The following DGKB variants were observed in gnomAD, a reference collection of about 807,000 sequenced individuals.
The protein encoded by DGKB is diacylglycerol kinase beta, also known as 90 kDa diacylglycerol kinase.
In DGKB, 67 loss-of-function variants were observed where a neutral mutation model predicts 114.3. That is an observed-to-expected ratio of 0.59 (90% CI 0.48 to 0.72). The LOEUF (loss-of-function observed/expected upper bound fraction) is 0.72. Ranked by LOEUF, DGKB falls within the 30% of genes least tolerant of loss-of-function variation. The pLI is 0.00. For synonymous variants in DGKB, 398 were observed against 323.1 expected, an observed-to-expected ratio of 1.23 and a Z score of -2.49; for missense variants, 907 against 975.2, an observed-to-expected ratio of 0.93 and a Z score of 0.93.
intron 23 of DGKB, among the ~76,000 whole-genome samples, chr7:14,280,061 TGAGCTATGG>T (rs908710966): frequency 2.0e-5 from 3 of 151,922 alleles, no homozygotes; most frequent in African/African-American, 7.3e-5. Context: ...CAAATTACTC[TGAGCTATGG>T]GAGGACATTC....
chr7:14,299,645 A>G (rs555282893), intron 23 of DGKB, among the ~76,000 whole-genome samples: 1 of 152,214 alleles, frequency 6.6e-6, no homozygotes, highest in South Asian at 2.1e-4. Flanking sequence ...TTCTTAATAA[A>G]AAACTGAATC....
At chr7:14,296,141 C>G (rs1486596329) in intron 23 of DGKB, among the ~76,000 whole-genome samples, 1 of 151,630 alleles carries the variant, frequency 6.6e-6, no homozygotes, top group African/African-American at 2.4e-5. Context: ...AAGCAATTAT[C>G]CTGCCTCAGA....
Position 14,757,668 on chromosome 7 carries a change from T to C in DGKB, c.134A>G (p.Tyr45Cys), listed in dbSNP as rs1250122399. 1.3e-6 allele frequency: 2 copies of C among 1,596,332 alleles called. No homozygotes were observed. Among genetic ancestry groups the C allele is most frequent in the Non-Finnish European group, 1.7e-6 (2 of 1,165,648 alleles). The change falls in exon 3 of 26, where the codon TAT becomes TGT. Residue 45 changes from tyrosine to cysteine, a missense_variant. Coordinates refer to ENST00000402815, the MANE Select transcript of DGKB (RefSeq NM_001350709.2). ...AAGAAGTTTTACCCCTTCAGGATTA[T>C]ACTTTGCAAGCACACCATTACCATG... The part of the protein sequence containing the change: ...EFHGNGVLAK[Y>C]NPEGKQDILN...
chr7:14,416,934 G>C (rs532932438), intron 21 of DGKB, among the ~76,000 whole-genome samples: 1 of 151,928 alleles, frequency 6.6e-6, no homozygotes, highest in Non-Finnish European at 1.5e-5. Context: ...CAAGATTGTC[G>C]TCTGCTCCCC....
intron 5 of DGKB, among the ~76,000 whole-genome samples, chr7:14,723,273 T>C (rs1829502565): frequency 6.6e-6 from 1 of 152,148 alleles, no homozygotes; most frequent in Non-Finnish European, 1.5e-5. Flanking sequence ...CTAGCAGCAA[T>C]AGCCTCTGGT....
intron 1 of DGKB, among the ~76,000 whole-genome samples, chr7:14,895,721 A>G (rs1479657273): frequency 6.6e-6 from 1 of 151,664 alleles, no homozygotes; most frequent in African/African-American, 2.4e-5. Flanking sequence ...GGACCGTGGT[A>G]TAAGTAAGTA....
intron 23 of DGKB, among the ~76,000 whole-genome samples, chr7:14,251,567 TTGA>T (rs1466509295): frequency 2.0e-5 from 3 of 152,160 alleles, no homozygotes; most frequent in African/African-American, 7.2e-5. Flanking sequence ...TCTGCTGAAT[TTGA>T]TGATATTTTT....
chr7:14,460,686 G>C (rs1212232612), intron 21 of DGKB, among the ~76,000 whole-genome samples: 1 of 152,090 alleles, frequency 6.6e-6, no homozygotes, highest in Non-Finnish European at 1.5e-5. Context: ...GTCAATATCA[G>C]ACAGATCAAC....
intron 13 of DGKB, among the ~76,000 whole-genome samples, chr7:14,652,626 C>A (rs1814806125): frequency 6.7e-6 from 1 of 149,918 alleles, no homozygotes; most frequent in African/African-American, 2.5e-5. Flanking sequence ...AAAGCAATGG[C>A]AACAAAAGCC....
At chr7:14,232,186 G>T (rs1791970152) in intron 23 of DGKB, among the ~76,000 whole-genome samples, 2 of 151,794 alleles carry the variant, frequency 1.3e-5, no homozygotes, top group Non-Finnish European at 2.9e-5. Context: ...ATTGTAAAAG[G>T]CTAAAGGAGA....
At chr7:14,281,732 G>T (rs1021305586) in intron 23 of DGKB, among the ~76,000 whole-genome samples, 6 of 152,020 alleles carry the variant, frequency 3.9e-5, no homozygotes, top group African/African-American at 1.4e-4. Flanking sequence ...CAACTACATG[G>T]AAACTAAACA....
intron 21 of DGKB, among the ~76,000 whole-genome samples, chr7:14,370,222 G>A (rs1413966765): frequency 6.6e-6 from 1 of 152,106 alleles, no homozygotes; most frequent in Non-Finnish European, 1.5e-5. Context: ...CCCATTCCTT[G>A]TTTTTGTCAG....
At chr7:14,643,463 G>T (rs1408200607) in intron 13 of DGKB, among the ~76,000 whole-genome samples, 1 of 152,104 alleles carries the variant, frequency 6.6e-6, no homozygotes. Flanking sequence ...TCTGACTTGG[G>T]CCAAATAGCC....
chr7:14,647,456 A>T (rs1813284132), intron 13 of DGKB, among the ~76,000 whole-genome samples: 1 of 152,242 alleles, frequency 6.6e-6, no homozygotes, highest in South Asian at 2.1e-4. Flanking sequence ...ACAAAAAAAT[A>T]GACCATACTT....
intron 23 of DGKB, among the ~76,000 whole-genome samples, chr7:14,301,884 G>A (rs544700962): frequency 1.3e-5 from 2 of 152,094 alleles, no homozygotes; most frequent in Non-Finnish European, 2.9e-5. Context: ...ACTGAGTCCA[G>A]GGTCTACCAA....
intron 20 of DGKB, among the ~76,000 whole-genome samples, chr7:14,567,172 ATT>A (rs1426477872): frequency 2.1e-5 from 2 of 94,248 alleles, no homozygotes; most frequent in Non-Finnish European, 1.9e-5. Context: ...ATTTATATAT[ATT>A]ATATATAATT....
chr7:14,738,117 C>T (rs1395799527), intron 4 of DGKB, among the ~76,000 whole-genome samples: 1 of 152,208 alleles, frequency 6.6e-6, no homozygotes, highest in East Asian at 1.9e-4. Context: ...AACACCTACT[C>T]TTACTAAGAG....
At chr7:14,838,613 AT>A in intron 2 of DGKB, among the ~76,000 whole-genome samples, 1 of 152,226 alleles carries the variant, frequency 6.6e-6, no homozygotes, top group South Asian at 2.1e-4. Flanking sequence ...ATATTATAAA[AT>A]CTGAATCCCC....
chr7:14,857,206 GTCTCTC>G (rs36093995), intron 1 of DGKB, among the ~76,000 whole-genome samples: 87 of 146,516 alleles, frequency 5.9e-4, no homozygotes, highest in Admixed American at 1.7e-3. Context: ...CTCTCTCTCT[GTCTCTC>G]TCTCTCTCTC....
Sources: allele counts gnomAD v4.1 joint callset (sites outside exome capture counted in the v4.1 genomes callset), GRCh38; gene constraint gnomAD v4.1.1; transcripts MANE v1.5; gene names NCBI Gene and HGNC (gene_info 2026-07-23, HGNC 2026-07-21).